The following PCMT1 variants were observed in gnomAD, a reference collection of about 807,000 sequenced individuals.
The protein encoded by PCMT1 is protein-L-isoaspartate (D-aspartate) O-methyltransferase.
PCMT1 carries 9 observed loss-of-function variants against 29.2 expected under a neutral mutation model. The ratio of observed to expected loss-of-function variants is 0.31; its 90% CI spans 0.19 to 0.54. PCMT1 has a LOEUF of 0.54. PCMT1 is among the 20% of genes least tolerant of loss of function. The probability of loss-of-function intolerance (pLI) is 0.95; values close to 1 mark genes in which losing one functional copy is unlikely to be tolerated. For synonymous variants in PCMT1, 98 were observed against 97.5 expected, an observed-to-expected ratio of 1.00 and a Z score of -0.03; for missense variants, 184 against 282.2, an observed-to-expected ratio of 0.65 and a Z score of 2.49.
intron 1 of PCMT1, among the ~76,000 whole-genome samples, chr6:149,758,873 T>G (rs1432122742): frequency 6.6e-6 from 1 of 152,132 alleles, no homozygotes; most frequent in Non-Finnish European, 1.5e-5. Context: ...AATTATATTG[T>G]GAATTTTTTT....
chr6:149,751,947 A>C (rs1236926769), intron 1 of PCMT1, among the ~76,000 whole-genome samples: 1 of 150,588 alleles, frequency 6.6e-6, no homozygotes, highest in Non-Finnish European at 1.5e-5. Flanking sequence ...AGCTCGGCTC[A>C]CTGCAACCCC....
At chr6:149,765,107 C>T (rs915397069) in intron 1 of PCMT1, among the ~76,000 whole-genome samples, 1 of 150,602 alleles carries the variant, frequency 6.6e-6, no homozygotes, top group Non-Finnish European at 1.5e-5. Flanking sequence ...CGCCTGTAAT[C>T]CTAGCACTTT....
At chr6:149,758,130 C>T (rs1404832718) in intron 1 of PCMT1, among the ~76,000 whole-genome samples, 6 of 151,442 alleles carry the variant, frequency 4.0e-5, no homozygotes, top group African/African-American at 9.7e-5. Context: ...GTGATCCACC[C>T]GACTTGGCCT....
At chr6:149,758,208 C>CTTTCTTTTTTTTTTTTTTTTTTATT (rs1554251094) in intron 1 of PCMT1, among the ~76,000 whole-genome samples, 1 of 73,916 alleles carries the variant, frequency 1.4e-5, no homozygotes, top group African/African-American at 5.3e-5. Flanking sequence ...TTCTTTCTTT[C>CTTTCTTTTTTTTTTTTTTTTTTATT]TTTTTTTTTT....
rs1428629857 is a variant in PCMT1, at chr6:149,762,559, ATC to A, written c.56-8601_56-8600del. Among the ~76,000 whole-genome samples, 7 of 78,050 alleles carry A rather than the reference ATC, an allele frequency of 9.0e-5. 2 individuals are homozygous for A. In the Admixed American group the frequency reaches 1.0e-3, roughly 11 times the overall value. The allele number at this position is 78,050 out of a possible 152,430, so 51.2% of individuals were successfully genotyped here. On this transcript the variant is annotated intron_variant, in intron 1 of 7. Coordinates refer to ENST00000464889, the MANE Select transcript of PCMT1 (RefSeq NM_001360452.2). Reference sequence around the variant, plus strand: ...ATATATATATCTATGATATATATATATCTATGATATATATATCTATGATATAT... The same window carrying A: ...ATATATATATCTATGATATATATATATATGATATATATATCTATGATATAT...
At chr6:149,807,223 CTG>C (rs1396205888) in intron 7 of PCMT1, among the ~76,000 whole-genome samples, 1 of 152,052 alleles carries the variant, frequency 6.6e-6, no homozygotes, top group Non-Finnish European at 1.5e-5. Flanking sequence ...GACCTAGAAT[CTG>C]TGGAATTGTG....
chr6:149,777,876 C>CTTT (rs57484963), intron 3 of PCMT1, among the ~76,000 whole-genome samples: 3 of 111,066 alleles, frequency 2.7e-5, no homozygotes, highest in Non-Finnish European at 5.3e-5. Flanking sequence ...TTCTTTTCTT[C>CTTT]TTTTTTTTTT....
intron 1 of PCMT1, among the ~76,000 whole-genome samples, chr6:149,762,392 G>C (rs1168560796): frequency 6.6e-6 from 1 of 151,168 alleles, no homozygotes; most frequent in African/African-American, 2.4e-5. Context: ...TTTCAGAAAA[G>C]CCTAATGGTA....
At chr6:149,793,764 T>C in intron 5 of PCMT1, 95 bp downstream of exon 5, 2 of 901,054 alleles carry the variant, frequency 2.2e-6, no homozygotes, top group Non-Finnish European at 3.0e-6. Flanking sequence ...AATTATTGTA[T>C]TTTTTTTTAC....
intron 7 of PCMT1, among the ~76,000 whole-genome samples, chr6:149,803,629 C>G (rs978476823): frequency 1.3e-5 from 2 of 151,838 alleles, no homozygotes; most frequent in South Asian, 4.2e-4. Flanking sequence ...TTTACAGTTT[C>G]CTTGTCTTAG....
intron 3 of PCMT1, among the ~76,000 whole-genome samples, chr6:149,777,876 CTTT>C (rs57484963): frequency 9.9e-5 from 11 of 111,064 alleles, no homozygotes; most frequent in African/African-American, 2.5e-4. Context: ...TTCTTTTCTT[CTTT>C]TTTTTTTTTT....
intron 1 of PCMT1, 159 bp downstream of exon 1, chr6:149,750,115 T>A: frequency 9.9e-7 from 1 of 1,010,944 alleles, no homozygotes; most frequent in Non-Finnish European, 1.4e-6. Context: ...GCGCTTGCAG[T>A]CGCCTCCCTC....
chr6:149,768,444 A>ATTTTTTTTTTTTTTTTTTTTTTTT (rs548328646), intron 1 of PCMT1, among the ~76,000 whole-genome samples: 1 of 75,844 alleles, frequency 1.3e-5, no homozygotes, highest in African/African-American at 6.6e-5. Context: ...TTAGTCTTGA[A>ATTTTTTTTTTTTTTTTTTTTTTTT]TTTTTTTTTT....
At chr6:149,784,311 T>C (rs1421618105) in intron 3 of PCMT1, among the ~76,000 whole-genome samples, 1 of 152,188 alleles carries the variant, frequency 6.6e-6, no homozygotes, top group Non-Finnish European at 1.5e-5. Context: ...AGCTCCCAAG[T>C]GCTTGGAAAC....
chr6:149,749,925 C>T lies in PCMT1; in HGVS notation c.24C>T (p.Ala8=). 6.2e-7 allele frequency: 1 copy of T among 1,610,832 alleles called. No homozygotes were observed. Among genetic ancestry groups the T allele is most frequent in the Non-Finnish European group, 8.5e-7 (1 of 1,178,814 alleles). ...CGATGGCCTGGAAATCCGGCGGCGC[C>T]AGCCACTCGGAGCTAATCCACAATC... MAWKSGG[A]SHSELIHNLR... is the part of the protein sequence containing the mutation. The change falls in exon 1 of 8, where the codon GCC becomes GCT. Residue 8 remains alanine, a synonymous_variant. Transcript: ENST00000464889.
At chr6:149,800,739 C>G (rs1370670354) in intron 6 of PCMT1, among the ~76,000 whole-genome samples, 1 of 152,080 alleles carries the variant, frequency 6.6e-6, no homozygotes, top group African/African-American at 2.4e-5. Context: ...CTAGGGTTCC[C>G]TTATCCCTTC....
chr6:149,794,638 TA>T (rs1788523683), intron 5 of PCMT1: 1 of 251,864 alleles, frequency 4.0e-6, no homozygotes, highest in Non-Finnish European at 7.7e-6. Flanking sequence ...TAAAATAAAA[TA>T]AAGGCCCGGG....
rs749401497 is a variant in PCMT1, at chr6:149,771,211, A to G, written c.105A>G (p.Thr35=). ...TDKVFEVMLA[T]DRSHYAKCNP... ...AAGTATTTGAAGTGATGCTGGCTAC[A>G]GACCGCTCCCACTATGCAAAATGTA... Residue 35 remains threonine (T), a synonymous_variant, in exon 2 of 8, where the codon ACA becomes ACG. Transcript: ENST00000464889. The G allele has an allele frequency of 3.1e-6, 5 of 1,613,442 alleles. No individual in the cohort carries two copies. The highest frequency in any genetic ancestry group is 1.7e-5 in the Admixed American group (1 of 60,002).
At chr6:149,768,361 G>A (rs996932185) in intron 1 of PCMT1, among the ~76,000 whole-genome samples, 2 of 151,804 alleles carry the variant, frequency 1.3e-5, no homozygotes, top group Non-Finnish European at 2.9e-5. Context: ...CAAAGTGCTC[G>A]GATTACAGGC....
Sources: gnomAD v4.1 joint callset for allele counts (sites outside exome capture counted in the v4.1 genomes callset) on GRCh38, gnomAD v4.1.1 for gene constraint, MANE v1.5 for transcripts, NCBI Gene and HGNC (gene_info 2026-07-23, HGNC 2026-07-21) for gene names.